Variants in DAAM1 observed in about 807,000 individuals in gnomAD.
DAAM1 encodes the protein dishevelled associated activator of morphogenesis 1.
A neutral mutation model predicts 130.0 loss-of-function variants in DAAM1; 52 were observed. That is an observed-to-expected ratio of 0.40 (90% CI 0.32 to 0.50). The LOEUF is 0.50. Ranked by LOEUF, DAAM1 falls within the 20% of genes least tolerant of loss-of-function variation. The pLI is 0.61. For missense variants in DAAM1, 1,134 were observed against 1,303.8 expected (o/e 0.87, Z 2.01); for synonymous variants, 452 against 444.5 (o/e 1.02, Z -0.21).
At chr14:59,309,904 C>T (rs776718919) in intron 3 of DAAM1, among the ~76,000 whole-genome samples, 2 of 152,186 alleles carry the variant, frequency 1.3e-5, no homozygotes, top group Non-Finnish European at 2.9e-5. Context: ...TATGTTGGCA[C>T]CTATTCTCTA....
At chr14:59,263,821 G>A (rs1882302017) in intron 2 of DAAM1, 161 bp downstream of exon 2, 1 of 860,676 alleles carries the variant, frequency 1.2e-6, no homozygotes, top group Non-Finnish European at 1.8e-6. Context: ...CACTAAACCT[G>A]TGGAGAAGGA....
intron 2 of DAAM1, among the ~76,000 whole-genome samples, chr14:59,272,376 C>T (rs553231400): frequency 1.3e-5 from 2 of 152,140 alleles, no homozygotes; most frequent in Admixed American, 6.5e-5. Flanking sequence ...GCCAGGAGTT[C>T]GAGACCAGCC....
At chr14:59,252,179 G>A (rs754775672) in intron 1 of DAAM1, among the ~76,000 whole-genome samples, 20 of 152,154 alleles carry the variant, frequency 1.3e-4, no homozygotes, top group Non-Finnish European at 2.1e-4. Flanking sequence ...GAAAGCCAGC[G>A]GCCCTGGGTG....
At chr14:59,225,304 G>T (rs985650041) in intron 1 of DAAM1, among the ~76,000 whole-genome samples, 2 of 152,100 alleles carry the variant, frequency 1.3e-5, no homozygotes, top group Non-Finnish European at 2.9e-5. Context: ...GGGATTACAG[G>T]CATAAGCCAC....
At chr14:59,263,330 G>A (rs973140459) in intron 1 of DAAM1, 111 bp from the exon 2 acceptor site, 1 of 857,804 alleles carries the variant, frequency 1.2e-6, no homozygotes, top group Non-Finnish European at 1.8e-6. Context: ...GCCCTGCAGG[G>A]CGCACACAGT....
chr14:59,340,693 G>A (rs1438489722), intron 16 of DAAM1, among the ~76,000 whole-genome samples: 1 of 152,154 alleles, frequency 6.6e-6, no homozygotes, highest in East Asian at 1.9e-4. Context: ...GTTCAGCCCT[G>A]TTCAGAAATC....
intron 1 of DAAM1, among the ~76,000 whole-genome samples, chr14:59,223,291 G>T (rs1888834544): frequency 6.6e-6 from 1 of 152,194 alleles, no homozygotes; most frequent in African/African-American, 2.4e-5. Flanking sequence ...TGGCTTGGTT[G>T]ATCATATAAT....
intron 1 of DAAM1, among the ~76,000 whole-genome samples, chr14:59,205,159 T>A (rs1378826394): frequency 6.6e-6 from 1 of 152,260 alleles, no homozygotes; most frequent in East Asian, 1.9e-4. Context: ...ACAGCATGAT[T>A]TTCTGTTTAC....
chr14:59,238,630 A>C (rs1012481009), intron 1 of DAAM1, among the ~76,000 whole-genome samples: 3 of 152,222 alleles, frequency 2.0e-5, no homozygotes, highest in Non-Finnish European at 4.4e-5. Flanking sequence ...AGTATAGCTT[A>C]TTCAATTTTG....
intron 1 of DAAM1, among the ~76,000 whole-genome samples, chr14:59,202,282 A>G (rs1888128369): frequency 6.6e-6 from 1 of 152,316 alleles, no homozygotes; most frequent in South Asian, 2.1e-4. Context: ...TGCCAGCACT[A>G]CATCTCATGG....
chr14:59,267,736 T>C (rs531643469), intron 2 of DAAM1, among the ~76,000 whole-genome samples: 60 of 152,284 alleles, frequency 3.9e-4, no homozygotes, highest in African/African-American at 1.4e-3. Flanking sequence ...AGAATTTGGC[T>C]ACTCTGGATA....
chr14:59,356,132 T>G lies in DAAM1; in HGVS notation c.2525+799T>G, dbSNP rs535060066. 1.5e-4 allele frequency among the ~76,000 whole-genome samples: 23 copies of G among 152,316 alleles called. No homozygotes were observed. In the South Asian group the frequency reaches 4.8e-3, roughly 32 times the overall value. ...TGTTTCTCTGAGGTTCACACTGACT[T>G]CAAAGGAACTTGCACAATTGTTTCT... is the stretch of plus-strand genomic sequence containing the variant. On this transcript the variant is annotated intron_variant, in intron 20 of 24. Coordinates refer to ENST00000360909, the MANE Select transcript of DAAM1 (RefSeq NM_001270520.2).
chr14:59,295,809 G>A (rs895343773), intron 3 of DAAM1, among the ~76,000 whole-genome samples: 1 of 152,192 alleles, frequency 6.6e-6, no homozygotes, highest in Non-Finnish European at 1.5e-5. Flanking sequence ...GGGAAGGGAA[G>A]CAGTGGCTGG....
intron 1 of DAAM1, among the ~76,000 whole-genome samples, chr14:59,226,300 T>G (rs532019473): frequency 6.6e-6 from 1 of 152,332 alleles, no homozygotes; most frequent in Non-Finnish European, 1.5e-5. Context: ...AGGGGATATT[T>G]CTTTGTTCTT....
At chr14:59,249,484 A>G (rs1164811441) in intron 1 of DAAM1, among the ~76,000 whole-genome samples, 7 of 152,222 alleles carry the variant, frequency 4.6e-5, no homozygotes. Context: ...GTCTGTAATG[A>G]ATATTAAGTG....
intron 1 of DAAM1, among the ~76,000 whole-genome samples, chr14:59,193,013 A>G (rs1237633177): frequency 2.0e-5 from 3 of 152,230 alleles, no homozygotes; most frequent in Non-Finnish European, 2.9e-5. Flanking sequence ...AGATTGCGCC[A>G]CTGAACTCCA....
At position 59,326,621 on chromosome 14, in the gene DAAM1, A is replaced by G; in HGVS notation, c.1286A>G (p.Asn429Ser). ...GACCCTGACTCCACACCTTTGGAAA[A>G]CTTTAATATTAAGAATGTCGTACGA... is the stretch of plus-strand genomic sequence containing the variant. ...GQDPDSTPLENFNIKNVVRML... is the reference protein window; with the variant it reads ...GQDPDSTPLESFNIKNVVRML... Residue 429 changes from asparagine (N) to serine (S), a missense_variant, in exon 11 of 25, where the codon AAC (asparagine) becomes AGC (serine). By Grantham distance (46) the Asn-to-Ser change is conservative. Transcript: ENST00000360909. 1 of 1,613,310 alleles carries G rather than the reference A, an allele frequency of 6.2e-7. No individual in the cohort carries two copies. The highest frequency in any genetic ancestry group is 8.5e-7 in the Non-Finnish European group (1 of 1,179,830).
At chr14:59,295,249 A>G (rs1883911192) in intron 3 of DAAM1, among the ~76,000 whole-genome samples, 1 of 152,166 alleles carries the variant, frequency 6.6e-6, no homozygotes, top group Admixed American at 6.5e-5. Flanking sequence ...GTTGAGGTCT[A>G]CTTTGGGGAA....
At chr14:59,332,714 A>C (rs776279710) in intron 15 of DAAM1, among the ~76,000 whole-genome samples, 3 of 152,212 alleles carry the variant, frequency 2.0e-5, no homozygotes, top group Admixed American at 6.5e-5. Flanking sequence ...AGAGTTTCAG[A>C]AGAAAAAAGA....
Sources: allele counts gnomAD v4.1 joint callset (sites outside exome capture counted in the v4.1 genomes callset), GRCh38; gene constraint gnomAD v4.1.1; transcripts MANE v1.5; gene names NCBI Gene and HGNC (gene_info 2026-07-23, HGNC 2026-07-21).